The following PTCD2 variants were observed in gnomAD, a reference collection of about 807,000 sequenced individuals.
The protein encoded by PTCD2 is pentatricopeptide repeat-containing protein 2, mitochondrial.
A neutral mutation model predicts 42.6 loss-of-function variants in PTCD2; 31 were observed. That is an observed-to-expected ratio of 0.73 (90% CI 0.55 to 0.98). PTCD2 has a LOEUF of 0.98. PTCD2 is among the 50% of genes least tolerant of loss of function. The pLI is 0.00. For missense variants in PTCD2, 476 were observed against 454.8 expected (o/e 1.05, Z -0.42); for synonymous variants, 183 against 170.9 (o/e 1.07, Z -0.55).
At chr5:72,334,710 C>G (rs1044119365) in intron 4 of PTCD2, among the ~76,000 whole-genome samples, 3 of 152,072 alleles carry the variant, frequency 2.0e-5, no homozygotes, top group African/African-American at 7.2e-5. Flanking sequence ...ACCACCATGC[C>G]CAGCTAATTT....
At chr5:72,354,133 C>T (rs180694653) in intron 9 of PTCD2, among the ~76,000 whole-genome samples, 145 of 152,042 alleles carry the variant, frequency 9.5e-4, no homozygotes, top group Middle Eastern at 3.4e-3. Context: ...AGGCCAGGTG[C>T]GGTGGCTCAT....
chr5:72,326,570 A>G (rs1751149423), intron 2 of PTCD2, 42 bp from the exon 3 acceptor site: 4 of 1,610,480 alleles, frequency 2.5e-6, no homozygotes, highest in Non-Finnish European at 3.4e-6. Flanking sequence ...TTATACTCTC[A>G]GTCAGCCTGA....
rs1753125843 is a variant in PTCD2, at chr5:72,362,903, A to C, written c.*4476A>C. 2 of 152,222 alleles carry C rather than the reference A, an allele frequency of 1.3e-5. No homozygotes were observed. The highest frequency in any genetic ancestry group is 2.9e-5 in the Non-Finnish European group (2 of 68,032). 9.4% of individuals were successfully genotyped at this position (152,222 alleles called of 1,614,324 possible). A position where few individuals can be genotyped will look rare whatever the true frequency, so the allele number is the denominator to read the frequency against. On this transcript the variant is annotated 3_prime_UTR_variant, in exon 10 of 10. Transcript: ENST00000380639. ...TACTGAAGAATGGACTTGGTTGTGA[A>C]ATAAAACAATCCTGGGCAATATTTG...
intron 8 of PTCD2, among the ~76,000 whole-genome samples, chr5:72,349,420 T>C (rs1752511201): frequency 6.6e-6 from 1 of 152,194 alleles, no homozygotes; most frequent in Admixed American, 6.5e-5. Context: ...GTTAGGGAGT[T>C]CTGTTATCGA....
chr5:72,366,512 C>T lies in PTCD2; in HGVS notation c.*8085C>T, dbSNP rs1294859308. 1 of 152,184 alleles carries T rather than the reference C, an allele frequency of 6.6e-6. No homozygotes were observed. The highest frequency in any genetic ancestry group is 1.5e-5 in the Non-Finnish European group (1 of 68,036). The allele number at this position is 152,184 out of a possible 1,614,324, so 9.4% of individuals were successfully genotyped here. On this transcript the variant is annotated 3_prime_UTR_variant, in exon 10 of 10. Transcript: ENST00000380639. ...ATTCTCAATAATCCCTGGCCAACTT[C>T]CTGCTTTGCTGTCAGTAGCAGAGCT...
rs540005864 is a variant in PTCD2, at chr5:72,331,854, A to G, written c.468+479A>G. On this transcript the variant is annotated intron_variant, in intron 4 of 9. Transcript: ENST00000380639. Reference sequence around the variant, plus strand: ...AAAGTAAATAATTATTTTTACAGCTACTCATTGAATATTTACTATGTCTTC... The same window carrying G: ...AAAGTAAATAATTATTTTTACAGCTGCTCATTGAATATTTACTATGTCTTC... Among the ~76,000 whole-genome samples the G allele has an allele frequency of 2.4e-3, 367 of 152,242 alleles. 5 individuals carry two copies. Among genetic ancestry groups the G allele is most frequent in the African/African-American group, 8.5e-3 (354 of 41,540 alleles).
intron 8 of PTCD2, among the ~76,000 whole-genome samples, chr5:72,345,878 CTAGTGAA>C (rs1165343777): frequency 1.3e-5 from 2 of 152,110 alleles, no homozygotes; most frequent in African/African-American, 4.8e-5. Context: ...ATCCTAGAAC[CTAGTGAA>C]TAGGAATTAT....
intron 6 of PTCD2, among the ~76,000 whole-genome samples, chr5:72,337,729 G>A (rs936056170): frequency 2.6e-5 from 4 of 152,192 alleles, no homozygotes; most frequent in Admixed American, 1.3e-4. Flanking sequence ...GGAGGCAGAC[G>A]TTGCGGTGAG....
At chr5:72,323,953 C>T (rs551816893) in intron 2 of PTCD2, among the ~76,000 whole-genome samples, 1 of 152,156 alleles carries the variant, frequency 6.6e-6, no homozygotes, top group Non-Finnish European at 1.5e-5. Context: ...TTTCTGCCTC[C>T]ATTCCCTCAC....
At position 72,353,234 on chromosome 5, in the gene PTCD2, T is replaced by C. The variant is rs1226353369; in HGVS notation, c.942+480T>C. The stretch of plus-strand genomic sequence containing the variant: ...TCTCTCACACCAGCCTCTTCAGTCA[T>C]GCACTGGATCCCATCCTCTCTGACC... On this transcript the variant is annotated intron_variant, in intron 9 of 9. Transcript: ENST00000380639. Among the ~76,000 whole-genome samples the C allele has an allele frequency of 2.6e-5, 4 of 152,316 alleles. No individual in the cohort carries two copies. The East Asian group carries it at 5.8e-4, about 22-fold the overall frequency.
rs1314939777 is a variant in PTCD2, at chr5:72,367,303, T to C, written c.*8876T>C. ...GGGATGGGGATTCTGATGAGAGATA[T>C]CCCTGACAGAGACCAGAGCTCAGGA... On this transcript the variant is annotated 3_prime_UTR_variant, in exon 10 of 10. Coordinates refer to ENST00000380639, the MANE Select transcript of PTCD2 (RefSeq NM_024754.5). 1.3e-5 allele frequency: 2 copies of C among 152,158 alleles called. No individual in the cohort carries two copies. The highest frequency in any genetic ancestry group is 2.9e-5 in the Non-Finnish European group (2 of 68,036). The allele number at this position is 152,158 out of a possible 1,614,324, so 9.4% of individuals were successfully genotyped here.
chr5:72,325,748 C>T (rs750903636), intron 2 of PTCD2, among the ~76,000 whole-genome samples: 2 of 152,218 alleles, frequency 1.3e-5, no homozygotes, highest in African/African-American at 4.8e-5. Flanking sequence ...TGGAACAAAT[C>T]CTATAGCTAT....
At chr5:72,338,772 G>T in intron 7 of PTCD2, 37 bp downstream of exon 7, 1 of 1,140,694 alleles carries the variant, frequency 8.8e-7, no homozygotes, top group Non-Finnish European at 1.3e-6. Context: ...AATTGGGAGT[G>T]GCCAGGACTT....
intron 8 of PTCD2, among the ~76,000 whole-genome samples, chr5:72,344,384 T>TG (rs1752241596): frequency 6.6e-6 from 1 of 152,096 alleles, no homozygotes; most frequent in Admixed American, 6.5e-5. Flanking sequence ...TGGTGGCACT[T>TG]GCCTGTAGGT....
At position 72,350,592 on chromosome 5, in the gene PTCD2, G is replaced by A. The variant is rs543356973; in HGVS notation, c.829-2049G>A. Among the ~76,000 whole-genome samples the A allele has an allele frequency of 2.6e-5, 4 of 152,298 alleles. No homozygotes were observed. In the South Asian group the frequency reaches 8.3e-4, roughly 32 times the overall value. On this transcript the variant is annotated intron_variant, in intron 8 of 9. Coordinates refer to ENST00000380639, the MANE Select transcript of PTCD2 (RefSeq NM_024754.5). ...CAAGGCATGCAGAAATTTGAGAGAC[G>A]CATGGAAAGTTGTCTCCCAAAAAGG...
intron 6 of PTCD2, among the ~76,000 whole-genome samples, chr5:72,337,634 A>G (rs1249984777): frequency 1.3e-5 from 2 of 152,042 alleles, no homozygotes; most frequent in Non-Finnish European, 2.9e-5. Flanking sequence ...TGTCTCTACT[A>G]AAAATACAAA....
chr5:72,334,997 T>G (rs757393152), intron 4 of PTCD2, 21 bp from the exon 5 acceptor site: 3 of 1,493,896 alleles, frequency 2.0e-6, no homozygotes, highest in Non-Finnish European at 2.8e-6. Context: ...TTAACCAAAC[T>G]GTATTGTTCT....
At position 72,342,030 on chromosome 5, in the gene PTCD2, G is replaced by A. The variant is rs191752723; in HGVS notation, c.754-932G>A. On this transcript the variant is annotated intron_variant, in intron 7 of 9. Coordinates refer to ENST00000380639, the MANE Select transcript of PTCD2 (RefSeq NM_024754.5). ...ACTGCACTCCAGCCTGGGCAACAGA[G>A]CGAGACTCCGTCTAAAAAAAATAAT... Among the ~76,000 whole-genome samples the A allele has an allele frequency of 6.9e-3, 1,047 of 151,926 alleles. 6 individuals are homozygous for A. The highest frequency in any genetic ancestry group is 0.025 in the African/African-American group (1,016 of 41,438).
At position 72,363,048 on chromosome 5, in the gene PTCD2, C is replaced by A. The variant is rs1243397406; in HGVS notation, c.*4621C>A. On this transcript the variant is annotated 3_prime_UTR_variant, in exon 10 of 10. Transcript: ENST00000380639. ...ATTTACCTGCTACAATTTGGGTAGG[C>A]AAAAATGTAGGCTTCTCTGTTTCTT... The A allele has an allele frequency of 2.6e-5, 4 of 152,098 alleles. No individual in the cohort carries two copies. Among genetic ancestry groups the A allele is most frequent in the Admixed American group, 1.3e-4 (2 of 15,278 alleles). The allele number at this position is 152,098 out of a possible 1,614,324, so 9.4% of individuals were successfully genotyped here.
Sources: allele counts gnomAD v4.1 joint callset (sites outside exome capture counted in the v4.1 genomes callset), GRCh38; gene constraint gnomAD v4.1.1; transcripts MANE v1.5; gene names NCBI Gene and HGNC (gene_info 2026-07-23, HGNC 2026-07-21).